KCNIP4: variants seen among roughly 807,000 people sequenced by gnomAD.
KCNIP4 encodes the protein potassium voltage-gated channel interacting protein 4, also known as Kv channel-interacting protein 4.
KCNIP4 carries 12 observed loss-of-function variants against 34.0 expected under a neutral mutation model. That is an observed-to-expected ratio of 0.35 (90% confidence interval 0.23 to 0.57). The LOEUF (loss-of-function observed/expected upper bound fraction) is 0.57. KCNIP4 is among the 20% of genes least tolerant of loss of function. KCNIP4 has a pLI of 0.83. For missense variants in KCNIP4, 238 were observed against 311.7 expected (o/e 0.76, Z 1.78); for synonymous variants, 124 against 102.2 (o/e 1.21, Z -1.29).
chr4:21,477,067 A>C (rs1478989380), intron 1 of KCNIP4, among the ~76,000 whole-genome samples: 1 of 152,152 alleles, frequency 6.6e-6, no homozygotes, highest in East Asian at 1.9e-4. Flanking sequence ...TTCCTGAATA[A>C]ATTTTAAAAA....
At chr4:21,566,037 A>C (rs1739854640) in intron 1 of KCNIP4, among the ~76,000 whole-genome samples, 1 of 152,190 alleles carries the variant, frequency 6.6e-6, no homozygotes, top group South Asian at 2.1e-4. Context: ...CTGTAGGGAA[A>C]CTAATGGGAG....
chr4:21,341,730 T>A (rs544908656), intron 1 of KCNIP4, among the ~76,000 whole-genome samples: 84 of 152,310 alleles, frequency 5.5e-4, no homozygotes, highest in African/African-American at 1.9e-3. Flanking sequence ...ATGAATCAGT[T>A]CTTGGCCTCA....
chr4:21,327,455 C>G (rs1198252187), intron 1 of KCNIP4, among the ~76,000 whole-genome samples: 1 of 152,010 alleles, frequency 6.6e-6, no homozygotes, highest in African/African-American at 2.4e-5. Flanking sequence ...TTTCTGTTTT[C>G]TTGCTGCTTT....
At chr4:21,482,995 AAAAC>A (rs993391714) in intron 1 of KCNIP4, among the ~76,000 whole-genome samples, 7 of 151,216 alleles carry the variant, frequency 4.6e-5, no homozygotes, top group African/African-American at 1.7e-4. Context: ...CAAGGACAAA[AAAAC>A]AAACACCGCA....
chr4:21,769,973 A>G (rs1338187095), intron 1 of KCNIP4, among the ~76,000 whole-genome samples: 2 of 151,786 alleles, frequency 1.3e-5, no homozygotes, highest in African/African-American at 4.9e-5. Context: ...CAATCAATTC[A>G]TACCAGAAGG....
At chr4:21,861,029 T>G (rs1362890402) in intron 1 of KCNIP4, among the ~76,000 whole-genome samples, 2 of 152,098 alleles carry the variant, frequency 1.3e-5, no homozygotes, top group Admixed American at 1.3e-4. Context: ...TTCAAGAATA[T>G]CAAAAATGGG....
intron 1 of KCNIP4, among the ~76,000 whole-genome samples, chr4:21,757,573 G>A (rs886355298): frequency 2.0e-5 from 3 of 152,086 alleles, no homozygotes; most frequent in East Asian, 3.9e-4. Flanking sequence ...TTTTAGAGAC[G>A]TCTTCACCAT....
intron 1 of KCNIP4, among the ~76,000 whole-genome samples, chr4:21,400,807 G>A (rs1050798729): frequency 6.6e-6 from 1 of 152,082 alleles, no homozygotes; most frequent in Admixed American, 6.6e-5. Flanking sequence ...TGATTTTGTA[G>A]GTGAGAGAAC....
intron 1 of KCNIP4, among the ~76,000 whole-genome samples, chr4:21,593,521 C>T (rs1286232493): frequency 1.3e-5 from 2 of 152,082 alleles, no homozygotes; most frequent in African/African-American, 4.8e-5. Flanking sequence ...GGACCTGGCA[C>T]AAACACGGCT....
At chr4:21,747,781 G>A (rs1232949638) in intron 1 of KCNIP4, among the ~76,000 whole-genome samples, 3 of 152,096 alleles carry the variant, frequency 2.0e-5, no homozygotes, top group Admixed American at 2.0e-4. Context: ...TGGAATCTCA[G>A]AATGTAACCG....
intron 1 of KCNIP4, among the ~76,000 whole-genome samples, chr4:21,183,652 T>G (rs1178388859): frequency 1.3e-5 from 2 of 152,120 alleles, no homozygotes; most frequent in South Asian, 2.1e-4. Context: ...TTTGTCTTTT[T>G]GATAACAGCC....
chr4:21,831,654 AT>A, intron 1 of KCNIP4, among the ~76,000 whole-genome samples: 1 of 50,758 alleles, frequency 2.0e-5, no homozygotes, highest in African/African-American at 7.8e-5. Context: ...GCAATTAAAC[AT>A]TTTTCATCAA....
chr4:20,937,663 G>A (rs1317041042), intron 1 of KCNIP4, among the ~76,000 whole-genome samples: 2 of 152,090 alleles, frequency 1.3e-5, no homozygotes, highest in African/African-American at 2.4e-5. Flanking sequence ...TAAGAAGAAA[G>A]CACCAAAACC....
At chr4:21,338,279 A>AC (rs952673004) in intron 1 of KCNIP4, among the ~76,000 whole-genome samples, 5 of 151,478 alleles carry the variant, frequency 3.3e-5, no homozygotes, top group African/African-American at 1.2e-4. Context: ...AAAAAAAAAA[A>AC]AAAAAAAAGA....
Position 21,832,679 on chromosome 4 carries a change from C to G in KCNIP4, c.61+115892G>C, listed in dbSNP as rs1176177564. On this transcript the variant is annotated intron_variant, in intron 1 of 8. Transcript: ENST00000382152. ...TATGTATACATGTGACATGCTGGTG[C>G]GCTGCACCCACTAACTCGTCATCTA... Among the ~76,000 whole-genome samples the G allele has an allele frequency of 1.6e-4, 24 of 148,132 alleles. No homozygotes were observed. In the East Asian group the frequency reaches 4.5e-3, roughly 28 times the overall value.
chr4:21,616,444 T>C (rs966663531), intron 1 of KCNIP4, among the ~76,000 whole-genome samples: 1 of 152,218 alleles, frequency 6.6e-6, no homozygotes, highest in Admixed American at 6.5e-5. Context: ...TGTTTACCAA[T>C]GTGTTGCAAT....
intron 1 of KCNIP4, among the ~76,000 whole-genome samples, chr4:21,771,484 T>C (rs1718783000): frequency 6.6e-6 from 1 of 152,190 alleles, no homozygotes; most frequent in Non-Finnish European, 1.5e-5. Flanking sequence ...GTGAAGAATG[T>C]CAATGGTAGT....
Position 21,675,983 on chromosome 4 carries a change from A to G in KCNIP4, c.61+272588T>C, listed in dbSNP as rs139259224. ...AGAACAGGGTCCTAGCTTGAGCACG[A>G]CCACTAAGCTGTTCAGTAAATCTGG... is the stretch of plus-strand genomic sequence containing the variant. On this transcript the variant is annotated intron_variant, in intron 1 of 8. Coordinates refer to ENST00000382152, the MANE Select transcript of KCNIP4 (RefSeq NM_025221.6). 7.7e-4 allele frequency among the ~76,000 whole-genome samples: 118 copies of G among 152,312 alleles called. 1 individual carries two copies. The East Asian group carries it at 0.022, about 28-fold the overall frequency.
Position 21,101,035 on chromosome 4 carries a change from C to T in KCNIP4, c.62-218326G>A, listed in dbSNP as rs529040022. Among the ~76,000 whole-genome samples, 3 of 152,242 alleles carry T rather than the reference C, an allele frequency of 2.0e-5. No individual in the cohort carries two copies. The South Asian group carries it at 6.2e-4, about 32-fold the overall frequency. ...ATGCACATATTGCGTAGTGGTGAAG[C>T]CTGGGCTTTTAGTAAACCCATTACC... On this transcript the variant is annotated intron_variant, in intron 1 of 8. Transcript: ENST00000382152.
Sources: allele counts gnomAD v4.1 joint callset (sites outside exome capture counted in the v4.1 genomes callset), GRCh38; gene constraint gnomAD v4.1.1; transcripts MANE v1.5; gene names NCBI Gene and HGNC (gene_info 2026-07-23, HGNC 2026-07-21).